Variants in PPARGC1A observed in about 807,000 individuals in gnomAD.
PPARGC1A encodes PPARG coactivator 1 alpha, also known as peroxisome proliferator-activated receptor gamma coactivator 1-alpha.
A neutral mutation model predicts 88.7 loss-of-function variants in PPARGC1A; 25 were observed. That is an observed-to-expected ratio of 0.28 (90% CI 0.21 to 0.39). PPARGC1A has a LOEUF of 0.39. PPARGC1A is among the 10% of genes least tolerant of loss of function. The pLI, the probability that PPARGC1A is intolerant of heterozygous loss-of-function variation, is 1.00. For missense variants in PPARGC1A, 880 were observed against 968.7 expected (o/e 0.91, Z 1.22); for synonymous variants, 363 against 355.6 (o/e 1.02, Z -0.24).
At chr4:24,114,710 C>A in the PPARGC1A span, among the ~76,000 whole-genome samples, 1 of 152,194 alleles carries the variant, frequency 6.6e-6, no homozygotes, top group East Asian at 1.9e-4. Context: ...AAGTTTCACT[C>A]ATCCCTGATT....
the PPARGC1A span, among the ~76,000 whole-genome samples, chr4:24,130,085 A>T: frequency 6.6e-6 from 1 of 152,166 alleles, no homozygotes; most frequent in Non-Finnish European, 1.5e-5. Flanking sequence ...CCAACATGGC[A>T]AATGTATACA....
At chr4:24,467,081 G>GA in the PPARGC1A span, among the ~76,000 whole-genome samples, 9 of 129,494 alleles carry the variant, frequency 7.0e-5, no homozygotes, top group Non-Finnish European at 1.5e-4. Flanking sequence ...AGAAAGAAAG[G>GA]GAGAGAGAGA....
At chr4:24,235,034 G>A in the PPARGC1A span, among the ~76,000 whole-genome samples, 1 of 152,062 alleles carries the variant, frequency 6.6e-6, no homozygotes, top group Non-Finnish European at 1.5e-5. Flanking sequence ...ATTGTTTAAG[G>A]CAAGGTAAGA....
rs559151845 is a variant in PPARGC1A, at chr4:23,792,196, C to A, written c.*3626G>T. On this transcript the variant is annotated 3_prime_UTR_variant, in exon 13 of 13. Transcript: ENST00000264867. ...CAACTAATCGCTCACTTTCCCTCTT[C>A]AGCATAGTTCAACCAACAGTATTAC... The A allele has an allele frequency of 2.6e-5, 4 of 152,716 alleles. No individual in the cohort carries two copies. The highest frequency in any genetic ancestry group is 4.4e-5 in the Non-Finnish European group (3 of 68,024). 9.5% of individuals were successfully genotyped at this position (152,716 alleles called of 1,614,324 possible).
the PPARGC1A span, among the ~76,000 whole-genome samples, chr4:24,275,376 C>T: frequency 3.4e-4 from 51 of 152,144 alleles, no homozygotes; most frequent in Non-Finnish European, 4.6e-4. Flanking sequence ...AACATTATGA[C>T]GCCTATTACA....
the PPARGC1A span, among the ~76,000 whole-genome samples, chr4:24,126,543 C>G: frequency 6.6e-6 from 1 of 152,118 alleles, no homozygotes; most frequent in Admixed American, 6.6e-5. Flanking sequence ...ATATGAGTCT[C>G]AGAGAGAGGG....
chr4:23,924,932 C>T, the PPARGC1A span, among the ~76,000 whole-genome samples: 2 of 152,158 alleles, frequency 1.3e-5, no homozygotes, highest in Non-Finnish European at 2.9e-5. Flanking sequence ...GTGATGGATT[C>T]ATGGTGCATA....
At chr4:24,050,936 C>T in the PPARGC1A span, among the ~76,000 whole-genome samples, 4 of 152,036 alleles carry the variant, frequency 2.6e-5, no homozygotes, top group Admixed American at 2.0e-4. Flanking sequence ...GCCTGTAATC[C>T]CAGCACTTTG....
At chr4:23,991,824 T>A in the PPARGC1A span, among the ~76,000 whole-genome samples, 18 of 152,050 alleles carry the variant, frequency 1.2e-4, no homozygotes, top group Non-Finnish European at 2.6e-4. Context: ...AATGAAAATT[T>A]AACGTGTGAT....
the PPARGC1A span, among the ~76,000 whole-genome samples, chr4:24,256,316 G>A: frequency 6.6e-6 from 1 of 152,174 alleles, no homozygotes. Context: ...CAGATCGGCA[G>A]GAGACATGTC....
chr4:24,119,094 A>G, the PPARGC1A span, among the ~76,000 whole-genome samples: 2 of 152,174 alleles, frequency 1.3e-5, no homozygotes, highest in East Asian at 1.9e-4. Flanking sequence ...CATTGCCTCA[A>G]CATAAAGTGG....
chr4:23,929,464 T>C, the PPARGC1A span, among the ~76,000 whole-genome samples: 11 of 152,094 alleles, frequency 7.2e-5, no homozygotes, highest in Non-Finnish European at 5.9e-5. Flanking sequence ...CAGAGGTGAA[T>C]TGCTTGGAAA....
chr4:23,895,846 A>G (rs1360676314), intron 1 of PPARGC1A, among the ~76,000 whole-genome samples: 3 of 151,930 alleles, frequency 2.0e-5, no homozygotes, highest in Non-Finnish European at 2.9e-5. Flanking sequence ...TCATATTAGG[A>G]TGCCCAATGC....
At chr4:24,285,442 G>A in the PPARGC1A span, among the ~76,000 whole-genome samples, 1 of 152,174 alleles carries the variant, frequency 6.6e-6, no homozygotes, top group South Asian at 2.1e-4. Context: ...AAACAGGTGG[G>A]GGAAAAGCCT....
chr4:23,816,791 T>A (rs1245998973), intron 7 of PPARGC1A, among the ~76,000 whole-genome samples: 1 of 152,214 alleles, frequency 6.6e-6, no homozygotes, highest in Non-Finnish European at 1.5e-5. Flanking sequence ...TTGATACCAA[T>A]CACATATTAC....
At chr4:23,882,288 C>T (rs1484068835) in intron 2 of PPARGC1A, among the ~76,000 whole-genome samples, 3 of 152,202 alleles carry the variant, frequency 2.0e-5, no homozygotes, top group African/African-American at 7.2e-5. Context: ...CGTTATACGA[C>T]TTCTCATTCT....
the PPARGC1A span, among the ~76,000 whole-genome samples, chr4:23,962,863 G>T: frequency 1.3e-5 from 2 of 152,126 alleles, no homozygotes; most frequent in Non-Finnish European, 2.9e-5. Flanking sequence ...ACTAAAAGAA[G>T]GGAGGCCTCT....
chr4:23,865,979 G>A (rs1577570531), intron 2 of PPARGC1A: 1 of 151,978 alleles, frequency 6.6e-6, no homozygotes, highest in African/African-American at 2.4e-5. Context: ...ACGCACACAT[G>A]TACATGTGCA....
At chr4:24,182,143 T>A in the PPARGC1A span, among the ~76,000 whole-genome samples, 1 of 152,176 alleles carries the variant, frequency 6.6e-6, no homozygotes, top group Non-Finnish European at 1.5e-5. Context: ...ATGCTATCCC[T>A]CTTCTTGCTC....
Sources: gnomAD v4.1 joint callset for allele counts (sites outside exome capture counted in the v4.1 genomes callset) on GRCh38, gnomAD v4.1.1 for gene constraint, MANE v1.5 for transcripts, NCBI Gene and HGNC (gene_info 2026-07-23, HGNC 2026-07-21) for gene names.